CCNB3: variants seen among roughly 807,000 people sequenced by gnomAD.
CCNB3 encodes the protein G2/mitotic-specific cyclin-B3.
Under a neutral mutation model 68.0 loss-of-function variants are expected in CCNB3, and 12 were observed. The observed-to-expected ratio is 0.18, with a 90% CI of 0.11 to 0.29. The LOEUF is 0.29. Among genes scored for constraint, CCNB3 ranks in the 10% least tolerant of loss-of-function variants. The pLI, the probability that CCNB3 is intolerant of heterozygous loss-of-function variation, is 1.00. For missense variants in CCNB3, 904 were observed against 993.1 expected (o/e 0.91, Z 1.21); for synonymous variants, 354 against 388.9 (o/e 0.91, Z 1.06).
At chrX:50,303,497 A>G (rs1467963187) in intron 5 of CCNB3, among the ~76,000 whole-genome samples, 5 of 106,972 alleles carry the variant, frequency 4.7e-5, no homozygotes, top group African/African-American at 1.0e-4. Context: ...GTGAAGTGGT[A>G]TCTCATTGTG....
At chrX:50,218,362 A>G (rs1377340071) in intron 1 of CCNB3, among the ~76,000 whole-genome samples, 1 of 111,396 alleles carries the variant, frequency 9.0e-6, no homozygotes, top group Non-Finnish European at 1.9e-5. Context: ...TACATGTGCC[A>G]TGGTGGTTTG....
At chrX:50,287,996 C>T (rs111422641) in intron 3 of CCNB3, among the ~76,000 whole-genome samples, 1,486 of 107,870 alleles carry the variant, frequency 0.014, 28 homozygotes, top group African/African-American at 0.048. Context: ...CAAGGTTGCG[C>T]GCTCCTTATG....
chrX:50,289,075 G>A (rs1341664103), intron 4 of CCNB3, among the ~76,000 whole-genome samples, 188 bp downstream of exon 4: 1 of 111,852 alleles, frequency 8.9e-6, no homozygotes, highest in Non-Finnish European at 1.9e-5. Context: ...GAAACAATTG[G>A]TGGAGTTCTC....
intron 8 of CCNB3, among the ~76,000 whole-genome samples, chrX:50,339,792 G>A: frequency 9.0e-6 from 1 of 111,382 alleles, no homozygotes; most frequent in Non-Finnish European, 1.9e-5. Context: ...GCAGGGGCAA[G>A]GGGGTGGGGT....
intron 1 of CCNB3, among the ~76,000 whole-genome samples, chrX:50,227,696 TAG>T (rs1935914884): frequency 1.1e-5 from 1 of 92,807 alleles, no homozygotes; most frequent in South Asian, 4.5e-4. Flanking sequence ...TAAATATATA[TAG>T]AGAGAATATA....
At position 50,294,811 on chromosome X, in the gene CCNB3, A is replaced by G. The variant is rs1349855569; in HGVS notation, c.205-52A>G. On this transcript the variant is annotated intron_variant, in intron 4 of 12. Coordinates refer to ENST00000376042, the MANE Select transcript of CCNB3 (RefSeq NM_033031.3). The stretch of plus-strand genomic sequence containing the variant: ...TTTTAGGTAATTTGTGGTTTTCTTC[A>G]TTTTCTTGCCTCCTTCTTCCCCTGC... 4 of 1,150,117 alleles carry G rather than the reference A, an allele frequency of 3.5e-6. No homozygotes were observed. The Admixed American group carries it at 1.1e-4, about 31-fold the overall frequency. 94.8% of individuals were successfully genotyped at this position (1,150,117 alleles called of 1,213,427 possible). A position where few individuals can be genotyped will look rare whatever the true frequency, so the allele number is the denominator to read the frequency against.
At chrX:50,216,353 C>T (rs1935572585) in intron 1 of CCNB3, among the ~76,000 whole-genome samples, 2 of 109,682 alleles carry the variant, frequency 1.8e-5, no homozygotes, top group Non-Finnish European at 1.9e-5. Context: ...AGTGCAACCT[C>T]TGCCTCCCAG....
intron 1 of CCNB3, among the ~76,000 whole-genome samples, chrX:50,282,733 A>T (rs935566321): frequency 8.9e-6 from 1 of 111,880 alleles, no homozygotes; most frequent in African/African-American, 3.2e-5. Context: ...TCACGATAAT[A>T]AATGGGGTAT....
chrX:50,323,848 A>G (rs1055896776), intron 8 of CCNB3, among the ~76,000 whole-genome samples: 14 of 112,019 alleles, frequency 1.2e-4, no homozygotes, highest in African/African-American at 4.5e-4. Context: ...TTCTGGCAGT[A>G]CTAAATTTAA....
At chrX:50,299,764 G>A (rs1487895795) in intron 5 of CCNB3, among the ~76,000 whole-genome samples, 1 of 111,156 alleles carries the variant, frequency 9.0e-6, no homozygotes, top group Admixed American at 9.6e-5. Context: ...TTGTGTGGGA[G>A]TCTAAGTCTC....
intron 1 of CCNB3, among the ~76,000 whole-genome samples, chrX:50,209,177 T>C (rs782514424): frequency 8.9e-6 from 1 of 111,876 alleles, no homozygotes; most frequent in Non-Finnish European, 1.9e-5. Context: ...TTTGACAAGC[T>C]TCTTCATATG....
intron 1 of CCNB3, among the ~76,000 whole-genome samples, chrX:50,215,702 T>C (rs1935561212): frequency 9.0e-6 from 1 of 111,166 alleles, no homozygotes; most frequent in East Asian, 2.8e-4. Context: ...CATACACGTT[T>C]GAGATTTCTG....
Position 50,310,571 on chromosome X carries a change from T to C in CCNB3, c.2402T>C (p.Leu801Pro). The C allele has an allele frequency of 1.7e-6, 2 of 1,211,474 alleles. No individual in the cohort carries two copies. Among genetic ancestry groups the C allele is most frequent in the Non-Finnish European group, 1.1e-6 (1 of 895,389 alleles). The change falls in exon 6 of 13, where the codon CTT (leucine) becomes CCT (proline). Residue 801 changes from leucine (L) to proline (P), a missense_variant. Transcript: ENST00000376042. Reference sequence around the variant, plus strand: ...GAGGGGGAGACCCTCTTCAAGAAGCTTTTGGCCATGCAGGAGGAGCCCAGC... The same window carrying C: ...GAGGGGGAGACCCTCTTCAAGAAGCCTTTGGCCATGCAGGAGGAGCCCAGC... ...IAEGETLFKK[L>P]LAMQEEPSIE...
chrX:50,294,844 C>A lies in CCNB3; in HGVS notation c.205-19C>A. On this transcript the variant is annotated intron_variant, in intron 4 of 12. Coordinates refer to ENST00000376042, the MANE Select transcript of CCNB3 (RefSeq NM_033031.3). ...GCCTCCTTCTTCCCCTGCCCCCCAA[C>A]CCACCTTTTTTTTTGCAGGCTTCTC... is the stretch of plus-strand genomic sequence containing the variant. The A allele has an allele frequency of 8.4e-7, 1 of 1,186,204 alleles. No individual in the cohort carries two copies.
At chrX:50,294,152 G>C (rs983725636) in intron 4 of CCNB3, among the ~76,000 whole-genome samples, 2 of 110,414 alleles carry the variant, frequency 1.8e-5, no homozygotes, top group African/African-American at 6.6e-5. Flanking sequence ...TGTTGCCCAG[G>C]CTGGTCTTGA....
intron 1 of CCNB3, among the ~76,000 whole-genome samples, chrX:50,227,011 T>C (rs1935859468): frequency 1.3e-5 from 1 of 75,769 alleles, no homozygotes; most frequent in South Asian, 6.1e-4. Flanking sequence ...ATATAGAAAA[T>C]ATATAAAATA....
chrX:50,207,725 T>A (rs1282346135), intron 1 of CCNB3, among the ~76,000 whole-genome samples: 1 of 112,197 alleles, frequency 8.9e-6, no homozygotes, highest in Non-Finnish European at 1.9e-5. Context: ...TTAGCTACTC[T>A]GTTATTTTTT....
chrX:50,316,110 A>G (rs1282702607), intron 8 of CCNB3, among the ~76,000 whole-genome samples: 6 of 110,638 alleles, frequency 5.4e-5, no homozygotes, highest in African/African-American at 2.0e-4. Flanking sequence ...AGTTTTTCCC[A>G]TATTGTTCTT....
At chrX:50,335,681 G>A (rs782281534) in intron 8 of CCNB3, among the ~76,000 whole-genome samples, 1 of 111,673 alleles carries the variant, frequency 9.0e-6, no homozygotes, top group Admixed American at 9.5e-5. Flanking sequence ...CGGGGCCATC[G>A]CTTAGCTAGA....
Sources: gnomAD v4.1 joint callset for allele counts (sites outside exome capture counted in the v4.1 genomes callset) on GRCh38, gnomAD v4.1.1 for gene constraint, MANE v1.5 for transcripts, NCBI Gene and HGNC (gene_info 2026-07-23, HGNC 2026-07-21) for gene names.